Variants in AK9 observed in about 807,000 individuals in gnomAD.
The protein encoded by AK9 is adenylate kinase 9.
Under a neutral mutation model 239.6 loss-of-function variants are expected in AK9, and 191 were observed. The ratio of observed to expected loss-of-function variants is 0.80; its 90% confidence interval spans 0.71 to 0.90. The LOEUF is 0.90. Ranked by LOEUF, AK9 falls within the 40% of genes least tolerant of loss-of-function variation. The probability of loss-of-function intolerance (pLI) is 0.00; values close to 1 mark genes in which losing one functional copy is unlikely to be tolerated. For missense variants in AK9, 1,995 were observed against 2,214.7 expected, an observed-to-expected ratio of 0.90 and a Z score of 1.99; for synonymous variants, 689 against 721.0, an observed-to-expected ratio of 0.96 and a Z score of 0.71.
At chr6:109,518,812 A>C (rs1779526517) in intron 29 of AK9, among the ~76,000 whole-genome samples, 1 of 152,152 alleles carries the variant, frequency 6.6e-6, no homozygotes, top group Non-Finnish European at 1.5e-5. Context: ...ATGAATTAAA[A>C]AAAATTTCAG....
intron 8 of AK9, among the ~76,000 whole-genome samples, chr6:109,651,732 G>T (rs1330145224): frequency 6.6e-6 from 1 of 152,064 alleles, no homozygotes; most frequent in Non-Finnish European, 1.5e-5. Flanking sequence ...AAATGATAAA[G>T]GGGATATCAC....
intron 1 of AK9, among the ~76,000 whole-genome samples, chr6:109,685,537 C>A (rs941559600): frequency 6.6e-6 from 1 of 150,934 alleles, no homozygotes; most frequent in Non-Finnish European, 1.5e-5. Context: ...AATGAGAACA[C>A]ATGGACGTAG....
intron 26 of AK9, among the ~76,000 whole-genome samples, chr6:109,544,958 A>T (rs757382458): frequency 4.6e-5 from 7 of 152,196 alleles, no homozygotes; most frequent in Non-Finnish European, 7.4e-5. Context: ...ATTTTTCTGA[A>T]TTTTTTTGGA....
intron 17 of AK9, among the ~76,000 whole-genome samples, chr6:109,598,278 G>A (rs1791351580): frequency 6.9e-6 from 1 of 144,222 alleles, no homozygotes; most frequent in Non-Finnish European, 1.5e-5. Flanking sequence ...CTGTGTCCAT[G>A]TGTTCTCATT....
intron 12 of AK9, among the ~76,000 whole-genome samples, chr6:109,631,538 T>C (rs1422004833): frequency 2.6e-5 from 4 of 152,154 alleles, no homozygotes; most frequent in Non-Finnish European, 5.9e-5. Context: ...TAGTAAGAGT[T>C]GACAGGAATG....
intron 3 of AK9, among the ~76,000 whole-genome samples, chr6:109,672,650 C>T (rs1235654414): frequency 1.3e-5 from 2 of 152,096 alleles, no homozygotes; most frequent in Non-Finnish European, 2.9e-5. Context: ...CATGTCACTG[C>T]ACTCCAGCCT....
intron 8 of AK9, among the ~76,000 whole-genome samples, chr6:109,650,923 C>T (rs550446918): frequency 9.2e-5 from 14 of 152,262 alleles, no homozygotes; most frequent in African/African-American, 3.4e-4. Context: ...GAGTTCATGT[C>T]CTTTGTAGGG....
At chr6:109,633,809 A>C (rs1357849859) in intron 10 of AK9, among the ~76,000 whole-genome samples, 1 of 152,222 alleles carries the variant, frequency 6.6e-6, no homozygotes, top group African/African-American at 2.4e-5. Flanking sequence ...TTTAATTCTT[A>C]AAATTTAAAG....
chr6:109,560,122 A>T (rs1785557088), intron 24 of AK9, among the ~76,000 whole-genome samples: 2 of 152,222 alleles, frequency 1.3e-5, no homozygotes, highest in Admixed American at 6.5e-5. Context: ...TTTTTGCCAT[A>T]TAAGGTAACA....
At chr6:109,540,127 A>T (rs1003682072) in intron 27 of AK9, among the ~76,000 whole-genome samples, 8 of 151,484 alleles carry the variant, frequency 5.3e-5, no homozygotes, top group Non-Finnish European at 7.4e-5. Flanking sequence ...CTCTCTTCAA[A>T]GCTGTCAGAC....
chr6:109,529,026 ATCTC>A lies in AK9; in HGVS notation c.3614_3617del (p.Arg1205IlefsTer42), dbSNP rs771330584. The A allele has an allele frequency of 3.8e-6, 6 of 1,597,296 alleles. No homozygotes were observed. Among genetic ancestry groups the A allele is most frequent in the African/African-American group, 2.7e-5 (2 of 73,924 alleles). On this transcript the variant is annotated frameshift_variant, in exon 29 of 41. Coordinates refer to ENST00000424296, the MANE Select transcript of AK9 (RefSeq NM_001145128.3). LOFTEE classifies it high-confidence loss of function. ...AACTACTTACCTCCCTCCTTTTTTT[ATCTC>A]TCTCTAATATAAGTTCAGCCCTTCT...
At chr6:109,511,439 A>T (rs1401167352) in intron 32 of AK9, among the ~76,000 whole-genome samples, 1 of 152,208 alleles carries the variant, frequency 6.6e-6, no homozygotes, top group African/African-American at 2.4e-5. Context: ...TGGAATGGAT[A>T]TTGAAATTCC....
intron 17 of AK9, among the ~76,000 whole-genome samples, chr6:109,605,393 G>A (rs1258034800): frequency 1.3e-5 from 2 of 152,156 alleles, no homozygotes; most frequent in Non-Finnish European, 2.9e-5. Flanking sequence ...TATCCTTAAT[G>A]TGACAAGATA....
At chr6:109,654,003 A>C (rs1198381031) in intron 8 of AK9, among the ~76,000 whole-genome samples, 1 of 151,674 alleles carries the variant, frequency 6.6e-6, no homozygotes, top group African/African-American at 2.4e-5. Flanking sequence ...ATGGCTGAGA[A>C]GACCCACCTC....
rs1486604906 is a variant in AK9, at chr6:109,647,149, G to C, written c.760-2461C>G. Among the ~76,000 whole-genome samples, 12 of 152,324 alleles carry C rather than the reference G, an allele frequency of 7.9e-5. No homozygotes were observed. The East Asian group carries it at 2.3e-3, about 29-fold the overall frequency. On this transcript the variant is annotated intron_variant, in intron 8 of 40. Transcript: ENST00000424296. ...CTGAAAAAACATGCCAAGTTGTAAA[G>C]AGCATCAAGGCTAGGAAGAAACTGC...
At chr6:109,586,215 G>T in intron 17 of AK9, 143 bp from the exon 18 acceptor site, 1 of 791,822 alleles carries the variant, frequency 1.3e-6, no homozygotes, top group Non-Finnish European at 1.9e-6. Context: ...AATTTTTAAA[G>T]CTAAACTTAA....
chr6:109,585,050 T>C, intron 19 of AK9, 73 bp downstream of exon 19: 1 of 858,734 alleles, frequency 1.2e-6, no homozygotes, highest in Non-Finnish European at 1.4e-6. Context: ...ATTCTATAAG[T>C]ATAATTGCAA....
chr6:109,667,441 T>A (rs147316705), intron 5 of AK9, among the ~76,000 whole-genome samples: 1 of 152,214 alleles, frequency 6.6e-6, no homozygotes, highest in Non-Finnish European at 1.5e-5. Flanking sequence ...CTAGGGTACA[T>A]GTGCACAATG....
At chr6:109,646,553 A>G (rs558861178) in intron 8 of AK9, among the ~76,000 whole-genome samples, 1 of 152,198 alleles carries the variant, frequency 6.6e-6, no homozygotes, top group African/African-American at 2.4e-5. Context: ...AAGAGTAAAA[A>G]GAAATGAAAG....
Sources: allele counts gnomAD v4.1 joint callset (sites outside exome capture counted in the v4.1 genomes callset), GRCh38; gene constraint gnomAD v4.1.1; transcripts MANE v1.5; gene names NCBI Gene and HGNC (gene_info 2026-07-23, HGNC 2026-07-21).